Variants in SERPINB2 observed in about 807,000 individuals in gnomAD.
The protein encoded by SERPINB2 is serpin family B member 2.
SERPINB2 carries 28 observed loss-of-function variants against 39.4 expected under a neutral mutation model. The observed-to-expected ratio is 0.71, with a 90% CI of 0.53 to 0.97. SERPINB2 has a LOEUF of 0.97. Ranked by LOEUF, SERPINB2 falls within the 50% of genes least tolerant of loss-of-function variation. The pLI, the probability that SERPINB2 is intolerant of heterozygous loss-of-function variation, is 0.00. For missense variants in SERPINB2, 557 were observed against 505.3 expected, an observed-to-expected ratio of 1.10 and a Z score of -0.98; for synonymous variants, 209 against 175.1, an observed-to-expected ratio of 1.19 and a Z score of -1.53.
rs6105 is a variant in SERPINB2 at position 63,897,828 on chromosome 18, C to A, written c.519C>A (p.Val173=). The part of the protein sequence containing the change: ...EEARKKINSW[V]KTQTKGKIPN... ...CTAGAAAAAAGATTAATTCCTGGGT[C>A]AAGACTCAAACCAAAGGTAAATCCA... Residue 173 remains valine, a synonymous_variant, in exon 5 of 8, where the codon GTC becomes GTA. Transcript: ENST00000299502. 5.0e-6 allele frequency: 8 copies of A among 1,601,692 alleles called. No individual in the cohort carries two copies. Among genetic ancestry groups the A allele is most frequent in the Admixed American group, 1.7e-5 (1 of 59,424 alleles).
intron 2 of SERPINB2, 139 bp from the exon 3 acceptor site, chr18:63,895,125 G>A (rs2049950520): frequency 3.3e-6 from 3 of 912,622 alleles, no homozygotes; most frequent in Non-Finnish European, 4.9e-6. Flanking sequence ...AAAGAGTATT[G>A]AGTATCTATG....
At chr18:63,892,361 C>A (rs2049932230) in intron 2 of SERPINB2, among the ~76,000 whole-genome samples, 1 of 152,212 alleles carries the variant, frequency 6.6e-6, no homozygotes, top group Non-Finnish European at 1.5e-5. Flanking sequence ...TCCACGGAGT[C>A]TGGGCCCTTG....
Position 63,902,437 on chromosome 18 carries a change from C to T in SERPINB2, c.712C>T (p.Arg238Cys), listed in dbSNP as rs758753971. ...QRTPVQMMYL[R>C]EKLNIGYIED... ...CACACCTGTACAGATGATGTACTTG[C>T]GTGAAAAGCTAAACATTGGATACAT... The change falls in exon 7 of 8, where the codon CGT becomes TGT. Residue 238 changes from arginine (R) to cysteine (C), a missense_variant. Coordinates refer to ENST00000299502, the MANE Select transcript of SERPINB2 (RefSeq NM_002575.3). The T allele has an allele frequency of 4.8e-5, 78 of 1,612,868 alleles. 1 individual carries two copies. Among genetic ancestry groups the T allele is most frequent in the African/African-American group, 1.2e-4 (9 of 74,828 alleles).
Position 63,895,134 on chromosome 18 carries a change from T to G in SERPINB2, c.169-130T>G, listed in dbSNP as rs940087800. The stretch of plus-strand genomic sequence containing the variant: ...ACACAGAAAGAGTATTGAGTATCTA[T>G]GGTTGTTCCCCATGTATAAGGGAAG... On this transcript the variant is annotated intron_variant, in intron 2 of 7. Transcript: ENST00000299502. 32 of 1,029,746 alleles carry G rather than the reference T, an allele frequency of 3.1e-5. No individual in the cohort carries two copies. In the Admixed American group the frequency reaches 5.8e-4, roughly 19 times the overall value. 63.8% of individuals were successfully genotyped at this position (1,029,746 alleles called of 1,614,324 possible). A position where few individuals can be genotyped will look rare whatever the true frequency, so the allele number is the denominator to read the frequency against.
chr18:63,895,199 A>C, intron 2 of SERPINB2, 65 bp from the exon 3 acceptor site: 1 of 1,592,142 alleles, frequency 6.3e-7, no homozygotes, highest in Non-Finnish European at 8.6e-7. Flanking sequence ...CCTGATAGCC[A>C]TCTGTTTTAA....
At chr18:63,892,197 G>C (rs1443955448) in intron 2 of SERPINB2, among the ~76,000 whole-genome samples, 3 of 152,036 alleles carry the variant, frequency 2.0e-5, no homozygotes, top group African/African-American at 7.2e-5. Context: ...GATCATGCCT[G>C]TGAGGTCACG....
intron 4 of SERPINB2, 29 bp from the exon 5 acceptor site, chr18:63,897,698 G>A (rs778617491): frequency 3.4e-5 from 47 of 1,382,152 alleles, no homozygotes; most frequent in Admixed American, 6.7e-5. Context: ...TGTATTTTAT[G>A]TAGCCTTTGT....
chr18:63,891,667 G>A (rs935993827), intron 2 of SERPINB2, 55 bp downstream of exon 2: 5 of 1,541,418 alleles, frequency 3.2e-6, no homozygotes, highest in South Asian at 1.2e-5. Context: ...AATGGAATTG[G>A]AGAACTGCTC....
At chr18:63,888,395 A>T (rs1011486276) in intron 1 of SERPINB2, among the ~76,000 whole-genome samples, 4 of 152,328 alleles carry the variant, frequency 2.6e-5, no homozygotes, top group South Asian at 2.1e-4. Context: ...CCATAAAAAG[A>T]TACTTATTCA....
At chr18:63,896,156 C>G (rs1013392209) in intron 3 of SERPINB2, among the ~76,000 whole-genome samples, 8 of 152,146 alleles carry the variant, frequency 5.3e-5, no homozygotes, top group African/African-American at 1.9e-4. Context: ...CTCCTTCTAC[C>G]CATTGCCCAG....
chr18:63,889,010 A>T (rs1289527741), intron 1 of SERPINB2, among the ~76,000 whole-genome samples: 1 of 152,212 alleles, frequency 6.6e-6, no homozygotes, highest in East Asian at 1.9e-4. Flanking sequence ...AGATTTCTAA[A>T]ATTATGAAAC....
intron 2 of SERPINB2, among the ~76,000 whole-genome samples, 189 bp downstream of exon 2, chr18:63,891,801 C>A (rs1418151832): frequency 6.6e-6 from 1 of 152,250 alleles, no homozygotes; most frequent in African/African-American, 2.4e-5. Context: ...CCCCGAATCC[C>A]TCAACTGTAG....
In SERPINB2 at chr18:63,903,027, C is replaced by G. The variant is rs1179461744; in HGVS notation, c.970C>G (p.Leu324Val). ...AGAGCATTATGAACTCAGATCCATT[C>G]TGAGAAGCATGGGCATGGAGGACGC... is the stretch of plus-strand genomic sequence containing the variant. Reference protein sequence around the residue: ...LEEHYELRSILRSMGMEDAFN... With the variant: ...LEEHYELRSIVRSMGMEDAFN... Residue 324 changes from leucine (L) to valine (V), a missense_variant, in exon 8 of 8, where the codon CTG (leucine) becomes GTG (valine). Coordinates refer to ENST00000299502, the MANE Select transcript of SERPINB2 (RefSeq NM_002575.3). 1.9e-6 allele frequency: 3 copies of G among 1,613,720 alleles called. No homozygotes were observed. The highest frequency in any genetic ancestry group is 2.5e-6 in the Non-Finnish European group (3 of 1,179,838).
At chr18:63,899,952 C>T (rs948523703) in intron 5 of SERPINB2, among the ~76,000 whole-genome samples, 1 of 152,068 alleles carries the variant, frequency 6.6e-6, no homozygotes, top group African/African-American at 2.4e-5. Flanking sequence ...AAATACTGTT[C>T]TAAAATATTG....
In SERPINB2 at chr18:63,901,756, G is replaced by C. The variant is rs760738260; in HGVS notation, c.552G>C (p.Leu184Phe). ...KTQTKGKIPN[L>F]LPEGSVDGDT... ...TTTCTGTAGGCAAAATCCCAAACTT[G>C]TTACCTGAAGGTTCTGTAGATGGGG... Residue 184 changes from leucine to phenylalanine, a missense_variant, in exon 6 of 8, where the codon TTG becomes TTC. Transcript: ENST00000299502. 1.3e-6 allele frequency: 2 copies of C among 1,551,504 alleles called. No individual in the cohort carries two copies.
At chr18:63,888,220 A>T (rs560923445) in intron 1 of SERPINB2, among the ~76,000 whole-genome samples, 7 of 152,372 alleles carry the variant, frequency 4.6e-5, no homozygotes, top group Admixed American at 2.0e-4. Context: ...TAAATGAAAA[A>T]GCAGGAACTG....
intron 3 of SERPINB2, among the ~76,000 whole-genome samples, 167 bp from the exon 4 acceptor site, chr18:63,896,924 A>T (rs1439125358): frequency 6.6e-6 from 1 of 152,232 alleles, no homozygotes; most frequent in Non-Finnish European, 1.5e-5. Flanking sequence ...AATGTACCAC[A>T]TCCTTATCGA....
rs189135648 is a variant in SERPINB2 at position 63,901,781 on chromosome 18, G to A, written c.577G>A (p.Asp193Asn). The A allele has an allele frequency of 2.7e-5, 43 of 1,583,276 alleles. No individual in the cohort carries two copies. The East Asian group carries it at 9.4e-4, about 35-fold the overall frequency. ...NLLPEGSVDG[D>N]TRMVLVNAVY... ...GTTACCTGAAGGTTCTGTAGATGGG[G>A]ATACCAGGATGGTCCTGGTGAATGC... Residue 193 changes from aspartate (D) to asparagine (N), a missense_variant, in exon 6 of 8, where the codon GAT becomes AAT. By Grantham distance (23) the Asp-to-Asn change is conservative. Transcript: ENST00000299502.
chr18:63,895,073 A>G (rs753702164), intron 2 of SERPINB2, among the ~76,000 whole-genome samples, 191 bp from the exon 3 acceptor site: 4 of 152,228 alleles, frequency 2.6e-5, no homozygotes, highest in Non-Finnish European at 5.9e-5. Flanking sequence ...GCTGTTTTCT[A>G]TAAGGGAAAT....
Sources: gnomAD v4.1 joint callset for allele counts (sites outside exome capture counted in the v4.1 genomes callset) on GRCh38, gnomAD v4.1.1 for gene constraint, MANE v1.5 for transcripts, NCBI Gene and HGNC (gene_info 2026-07-23, HGNC 2026-07-21) for gene names.